Variants in LRFN2 observed in about 807,000 individuals in gnomAD.
LRFN2 encodes leucine-rich repeat and fibronectin type-III domain-containing protein 2.
Under a neutral mutation model 37.3 loss-of-function variants are expected in LRFN2, and 18 were observed. The observed-to-expected ratio is 0.48, with a 90% CI of 0.33 to 0.72. The LOEUF (loss-of-function observed/expected upper bound fraction) is 0.72. Ranked by LOEUF, LRFN2 falls within the 30% of genes least tolerant of loss-of-function variation. LRFN2 has a pLI of 0.02. For missense variants in LRFN2, 1,006 were observed against 1,060.7 expected (o/e 0.95, Z 0.72); for synonymous variants, 556 against 466.6 (o/e 1.19, Z -2.47).
At chr6:40,499,811 T>C (rs1045923321) in intron 1 of LRFN2, among the ~76,000 whole-genome samples, 2 of 152,174 alleles carry the variant, frequency 1.3e-5, no homozygotes, top group African/African-American at 4.8e-5. Context: ...GAGCCATTGA[T>C]TCAAGCTCAG....
chr6:40,564,420 A>G (rs1767052838), intron 1 of LRFN2, among the ~76,000 whole-genome samples: 1 of 152,158 alleles, frequency 6.6e-6, no homozygotes, highest in Non-Finnish European at 1.5e-5. Context: ...CAATCGAACC[A>G]TCTACCCAGC....
At chr6:40,433,170 A>G in intron 1 of LRFN2, 39 bp from the exon 2 acceptor site, 2 of 1,485,676 alleles carry the variant, frequency 1.3e-6, no homozygotes, top group Middle Eastern at 2.1e-4. Context: ...CAGGAGGCAA[A>G]TTCCTAATGC....
At chr6:40,556,105 C>A (rs1214368800) in intron 1 of LRFN2, among the ~76,000 whole-genome samples, 2 of 152,230 alleles carry the variant, frequency 1.3e-5, no homozygotes, top group Non-Finnish European at 2.9e-5. Flanking sequence ...CCTGAGCCAC[C>A]TGGAAAGCCC....
At chr6:40,525,081 G>T (rs1237569612) in intron 1 of LRFN2, among the ~76,000 whole-genome samples, 1 of 152,220 alleles carries the variant, frequency 6.6e-6, no homozygotes, top group Non-Finnish European at 1.5e-5. Flanking sequence ...TGGATTTGAA[G>T]ATTTTCCAGT....
intron 1 of LRFN2, among the ~76,000 whole-genome samples, chr6:40,577,105 T>TGCTC (rs1561913898): frequency 2.5e-5 from 1 of 39,790 alleles, no homozygotes; most frequent in Admixed American, 1.9e-4. Flanking sequence ...TTTCTTTTCC[T>TGCTC]TTCTTTTCTT....
chr6:40,391,763 C>T lies in LRFN2; in HGVS notation c.*180G>A, dbSNP rs1762507161. 2 of 549,260 alleles carry T rather than the reference C, an allele frequency of 3.6e-6. No homozygotes were observed. The highest frequency in any genetic ancestry group is 3.7e-5 in the South Asian group (1 of 27,100). 34.0% of individuals were successfully genotyped at this position (549,260 alleles called of 1,614,324 possible). On this transcript the variant is annotated 3_prime_UTR_variant, in exon 3 of 3. Transcript: ENST00000338305. ...CCACATTCCCTGAGCACACCCCGGC[C>T]GGGTGGTGGGGAGGTGATGTGGGTG...
chr6:40,437,603 G>A (rs974741707), intron 1 of LRFN2, among the ~76,000 whole-genome samples: 1 of 152,194 alleles, frequency 6.6e-6, no homozygotes, highest in Non-Finnish European at 1.5e-5. Context: ...TACTGACAGA[G>A]AAGTGACTAT....
intron 1 of LRFN2, among the ~76,000 whole-genome samples, chr6:40,562,442 G>A (rs1462362560): frequency 6.6e-6 from 1 of 151,962 alleles, no homozygotes; most frequent in East Asian, 1.9e-4. Flanking sequence ...CAGGGGGAGG[G>A]CAGGGCAGTG....
intron 2 of LRFN2, among the ~76,000 whole-genome samples, chr6:40,418,997 T>C (rs1284205583): frequency 1.3e-5 from 2 of 152,128 alleles, no homozygotes; most frequent in African/African-American, 2.4e-5. Flanking sequence ...GTATTAGAAG[T>C]GCAAATTCTC....
At chr6:40,415,265 G>A (rs60489023) in intron 2 of LRFN2, among the ~76,000 whole-genome samples, 2 of 151,838 alleles carry the variant, frequency 1.3e-5, no homozygotes, top group South Asian at 4.2e-4. Context: ...TTGCTTTGTC[G>A]CCTAGGCTGG....
intron 1 of LRFN2, among the ~76,000 whole-genome samples, chr6:40,547,691 T>C (rs72853054): frequency 6.6e-6 from 1 of 152,102 alleles, no homozygotes; most frequent in Non-Finnish European, 1.5e-5. Flanking sequence ...GAGAGTGAGT[T>C]TGGGCTATTT....
intron 1 of LRFN2, among the ~76,000 whole-genome samples, chr6:40,569,107 G>A (rs1166247585): frequency 3.3e-5 from 5 of 152,216 alleles, no homozygotes; most frequent in Non-Finnish European, 5.9e-5. Flanking sequence ...ACAGCTTCAT[G>A]TGGGAAGAAA....
At chr6:40,482,141 T>C (rs549250920) in intron 1 of LRFN2, among the ~76,000 whole-genome samples, 57 of 152,146 alleles carry the variant, frequency 3.7e-4, no homozygotes, top group African/African-American at 1.1e-3. Context: ...TCAGTTGCCA[T>C]GTAGAAAAGG....
chr6:40,430,501 C>T (rs972025993), intron 2 of LRFN2, among the ~76,000 whole-genome samples: 2 of 152,196 alleles, frequency 1.3e-5, no homozygotes, highest in African/African-American at 2.4e-5. Flanking sequence ...TTTCAAAGGA[C>T]ACCATACATT....
intron 1 of LRFN2, among the ~76,000 whole-genome samples, chr6:40,518,688 C>T (rs1183042525): frequency 6.6e-6 from 1 of 152,176 alleles, no homozygotes; most frequent in Non-Finnish European, 1.5e-5. Flanking sequence ...ATTCAGGATA[C>T]ACTTAGTCAT....
intron 1 of LRFN2, among the ~76,000 whole-genome samples, chr6:40,498,388 A>G (rs1469723910): frequency 6.6e-6 from 1 of 152,200 alleles, no homozygotes; most frequent in Non-Finnish European, 1.5e-5. Flanking sequence ...CCATTGGCGG[A>G]GAGTCCAGAG....
chr6:40,467,680 T>C (rs1018777552), intron 1 of LRFN2, among the ~76,000 whole-genome samples: 5 of 152,140 alleles, frequency 3.3e-5, no homozygotes, highest in Admixed American at 6.5e-5. Context: ...CCAGCTGTTC[T>C]CTCTTTGACA....
chr6:40,498,956 C>A (rs1765304575), intron 1 of LRFN2, among the ~76,000 whole-genome samples: 1 of 152,190 alleles, frequency 6.6e-6, no homozygotes, highest in Admixed American at 6.5e-5. Context: ...TGGTTCCCAT[C>A]CTCAGACACA....
intron 1 of LRFN2, among the ~76,000 whole-genome samples, chr6:40,472,510 C>CG (rs1764621504): frequency 6.6e-6 from 1 of 152,202 alleles, no homozygotes; most frequent in South Asian, 2.1e-4. Flanking sequence ...TAAGCCTTCC[C>CG]GGGCATCCTG....
Sources: allele counts gnomAD v4.1 joint callset (sites outside exome capture counted in the v4.1 genomes callset), GRCh38; gene constraint gnomAD v4.1.1; transcripts MANE v1.5; gene names NCBI Gene and HGNC (gene_info 2026-07-23, HGNC 2026-07-21).